Variants in UMPS observed in about 807,000 individuals in gnomAD.
UMPS encodes the protein uridine 5'-monophosphate synthase.
Under a neutral mutation model 38.9 loss-of-function variants are expected in UMPS, and 21 were observed. That is an observed-to-expected ratio of 0.54 (90% CI 0.38 to 0.78). UMPS has a LOEUF of 0.78. Among genes scored for constraint, UMPS ranks in the 30% least tolerant of loss-of-function variants. The pLI, the probability that UMPS is intolerant of heterozygous loss-of-function variation, is 0.00. For missense variants in UMPS, 533 were observed against 591.6 expected, an observed-to-expected ratio of 0.90 and a Z score of 1.03; for synonymous variants, 208 against 219.3, an observed-to-expected ratio of 0.95 and a Z score of 0.45.
At chr3:124,740,001 T>C (rs373355277) in intron 3 of UMPS, 23 bp from the exon 4 acceptor site, 54 of 1,613,730 alleles carry the variant, frequency 3.3e-5, no homozygotes, top group Non-Finnish European at 4.4e-5. Context: ...TCAGCAAATA[T>C]CTTTTTTCCC....
At position 124,740,198 on chromosome 3, in the gene UMPS, C is replaced by T. The variant is rs202158549; in HGVS notation, c.1157C>T (p.Ala386Val). 84 of 1,607,258 alleles carry T rather than the reference C, an allele frequency of 5.2e-5. No individual in the cohort carries two copies. Among genetic ancestry groups the T allele is most frequent in the African/African-American group, 2.4e-4 (18 of 74,438 alleles). The change falls in exon 4 of 6, where the codon GCG becomes GTG. Residue 386 changes from alanine to valine, a missense_variant and splice_region_variant. Transcript: ENST00000232607. Reference sequence around the variant, plus strand: ...GCCACTGGGGACTACACTAGAGCAGCGGTAAGTGGTGGGGGGACTGGGTGA... The same window carrying T: ...GCCACTGGGGACTACACTAGAGCAGTGGTAAGTGGTGGGGGGACTGGGTGA... ...SLATGDYTRA[A>V]VRMAEEHSEF... is the part of the protein sequence containing the mutation.
intron 3 of UMPS, among the ~76,000 whole-genome samples, chr3:124,739,573 A>G (rs983022787): frequency 2.6e-5 from 4 of 152,178 alleles, no homozygotes; most frequent in East Asian, 3.8e-4. Context: ...AACTCAAGCA[A>G]TCTGCCCACC....
rs2063467561 is a variant in UMPS, at chr3:124,730,500, C to T, written c.29C>T (p.Pro10Leu). MAVARAALG[P>L]LVTGLYDVQA... ...GCGGTCGCTCGTGCAGCTTTGGGGC[C>T]ATTGGTGACGGGTCTGTACGACGTG... is the stretch of plus-strand genomic sequence containing the variant. Residue 10 changes from proline (P) to leucine (L), a missense_variant, in exon 1 of 6, where the codon CCA becomes CTA. Pro to Leu is a moderately conservative substitution (Grantham distance 98, BLOSUM62 -3). Transcript: ENST00000232607. 1.9e-6 allele frequency: 3 copies of T among 1,614,052 alleles called. No individual in the cohort carries two copies. The highest frequency in any genetic ancestry group is 1.1e-5 in the South Asian group (1 of 91,078).
intron 1 of UMPS, 67 bp downstream of exon 1, chr3:124,730,694 G>A: frequency 6.4e-7 from 1 of 1,571,890 alleles, no homozygotes. Flanking sequence ...ATGGAAGAGG[G>A]TGACAGGAGT....
chr3:124,747,620 C>T lies in UMPS; in HGVS notation c.*3536C>T, dbSNP rs1411359596. On this transcript the variant is annotated 3_prime_UTR_variant, in exon 6 of 6. Coordinates refer to ENST00000232607, the MANE Select transcript of UMPS (RefSeq NM_000373.4). ...CCCAGCTGATCTGTAAGCCTGGGAG[C>T]GTGATAAATGCTTAGTAGTGCATGC... 1 of 450,504 alleles carries T rather than the reference C, an allele frequency of 2.2e-6. No homozygotes were observed. Among genetic ancestry groups the T allele is most frequent in the South Asian group, 1.6e-5 (1 of 64,436 alleles). The allele number at this position is 450,504 out of a possible 1,614,324, so 27.9% of individuals were successfully genotyped here.
intron 2 of UMPS, 107 bp from the exon 3 acceptor site, chr3:124,737,461 T>C (rs1478879035): frequency 9.9e-7 from 1 of 1,005,540 alleles, no homozygotes; most frequent in Non-Finnish European, 1.6e-6. Context: ...TATACACATA[T>C]ACTGTATGTG....
At chr3:124,739,764 G>T (rs1403022793) in intron 3 of UMPS, among the ~76,000 whole-genome samples, 1 of 152,216 alleles carries the variant, frequency 6.6e-6, no homozygotes, top group Non-Finnish European at 1.5e-5. Context: ...TCCTGTTAGT[G>T]TTCCAGATAA....
rs1183506666 is a variant in UMPS, at chr3:124,748,879, G to A, written c.*4795G>A. The A allele has an allele frequency of 1.1e-5, 5 of 436,088 alleles. No individual in the cohort carries two copies. Among genetic ancestry groups the A allele is most frequent in the Non-Finnish European group, 2.3e-5 (5 of 217,284 alleles). 27.0% of individuals were successfully genotyped at this position (436,088 alleles called of 1,614,324 possible). A position where few individuals can be genotyped will look rare whatever the true frequency, so the allele number is the denominator to read the frequency against. On this transcript the variant is annotated 3_prime_UTR_variant, in exon 6 of 6. Coordinates refer to ENST00000232607, the MANE Select transcript of UMPS (RefSeq NM_000373.4). Reference sequence around the variant, plus strand: ...TTTTCTGAAAAGGGCATGGGAGTTAGCTGAGAAGCAGACCTGGTGGGCCTG... The same window carrying A: ...TTTTCTGAAAAGGGCATGGGAGTTAACTGAGAAGCAGACCTGGTGGGCCTG...
Position 124,747,266 on chromosome 3 carries a change from C to T in UMPS, c.*3182C>T. On this transcript the variant is annotated 3_prime_UTR_variant, in exon 6 of 6. Transcript: ENST00000232607. ...AGTGTGTGCCCGACAGCAGAGCCCA[C>T]ACCACTCCAGTTGCAGTGGTTGCCA... 2.2e-6 allele frequency: 1 copy of T among 454,026 alleles called. No individual in the cohort carries two copies. The highest frequency in any genetic ancestry group is 4.4e-6 in the Non-Finnish European group (1 of 225,956). 28.1% of individuals were successfully genotyped at this position (454,026 alleles called of 1,614,324 possible). A position where few individuals can be genotyped will look rare whatever the true frequency, so the allele number is the denominator to read the frequency against.
chr3:124,738,774 A>G (rs1482844813), intron 3 of UMPS: 1 of 155,532 alleles, frequency 6.4e-6, no homozygotes, highest in Non-Finnish European at 1.4e-5. Flanking sequence ...CTATTGATAA[A>G]CATTATTTAA....
chr3:124,740,068 C>G lies in UMPS; in HGVS notation c.1027C>G (p.His343Asp). 1.2e-6 allele frequency: 2 copies of G among 1,614,114 alleles called. No individual in the cohort carries two copies. Among genetic ancestry groups the G allele is most frequent in the Non-Finnish European group, 1.7e-6 (2 of 1,180,032 alleles). Residue 343 changes from histidine to aspartate, a missense_variant, in exon 4 of 6, where the codon CAC becomes GAC. Coordinates refer to ENST00000232607, the MANE Select transcript of UMPS (RefSeq NM_000373.4). ...TTCCTGGGCAGATCTAGTAAATGCT[C>G]ACGTGGTGCCAGGCTCAGGAGTTGT... ...IASWADLVNA[H>D]VVPGSGVVKG... is the part of the protein sequence containing the mutation.
At chr3:124,741,400 T>C (rs1434935803) in intron 4 of UMPS, among the ~76,000 whole-genome samples, 1 of 152,200 alleles carries the variant, frequency 6.6e-6, no homozygotes, top group African/African-American at 2.4e-5. Flanking sequence ...GGAAAGTACC[T>C]ACCGAATCAG....
rs1487935087 is a variant in UMPS, at chr3:124,746,169, G to A, written c.*2085G>A. ...GGCTCCTGCCATCTCCAGGACGCAGGCACTGTTCCTGTTGATGAACCCTAT... is the reference window on the plus strand; with the variant it reads ...GGCTCCTGCCATCTCCAGGACGCAGACACTGTTCCTGTTGATGAACCCTAT... On this transcript the variant is annotated 3_prime_UTR_variant, in exon 6 of 6. Transcript: ENST00000232607. The A allele has an allele frequency of 1.1e-5, 5 of 453,964 alleles. No homozygotes were observed. The highest frequency in any genetic ancestry group is 4.0e-5 in the African/African-American group (2 of 49,996). The allele number at this position is 453,964 out of a possible 1,614,324, so 28.1% of individuals were successfully genotyped here.
chr3:124,749,200 T>C lies in UMPS; in HGVS notation c.*5116T>C, dbSNP rs1559911789. The C allele has an allele frequency of 4.4e-6, 2 of 454,018 alleles. No individual in the cohort carries two copies. Among genetic ancestry groups the C allele is most frequent in the Non-Finnish European group, 8.8e-6 (2 of 226,758 alleles). The allele number at this position is 454,018 out of a possible 1,614,324, so 28.1% of individuals were successfully genotyped here. The stretch of plus-strand genomic sequence containing the variant: ...GAATAGATACTTGAAGCAGAGATGA[T>C]GTTGAGTTAAAAAAAATATATACAT... On this transcript the variant is annotated 3_prime_UTR_variant, in exon 6 of 6. Coordinates refer to ENST00000232607, the MANE Select transcript of UMPS (RefSeq NM_000373.4).
At chr3:124,736,503 C>G (rs1299131132) in intron 2 of UMPS, among the ~76,000 whole-genome samples, 3 of 151,978 alleles carry the variant, frequency 2.0e-5, no homozygotes, top group Non-Finnish European at 4.4e-5. Flanking sequence ...AGGTCTCACT[C>G]TGTTGCCCAG....
rs1279222708 is a variant in UMPS, at chr3:124,748,428, T to TA, written c.*4345dup. ...TTCCAAAGGAAGGCCGCAATAGAAA[T>TA]ACAAAGAGAAACAAAATAATTAGAA... On this transcript the variant is annotated 3_prime_UTR_variant, in exon 6 of 6. Transcript: ENST00000232607. 4 of 453,796 alleles carry TA rather than the reference T, an allele frequency of 8.8e-6. No homozygotes were observed. The highest frequency in any genetic ancestry group is 8.0e-5 in the African/African-American group (4 of 49,970). The allele number at this position is 453,796 out of a possible 1,614,324, so 28.1% of individuals were successfully genotyped here. A position where few individuals can be genotyped will look rare whatever the true frequency, so the allele number is the denominator to read the frequency against.
At chr3:124,739,713 T>TAA in intron 3 of UMPS, among the ~76,000 whole-genome samples, 1 of 152,214 alleles carries the variant, frequency 6.6e-6, no homozygotes. Context: ...TAGCATGAGC[T>TAA]TTATTTGTGG....
At position 124,738,086 on chromosome 3, in the gene UMPS, A is replaced by G; in HGVS notation, c.829A>G (p.Ile277Val). Residue 277 changes from isoleucine to valine, a missense_variant, in exon 3 of 6, where the codon ATC (isoleucine) becomes GTC (valine). Ile to Val is a conservative substitution (Grantham distance 29, BLOSUM62 3). Transcript: ENST00000232607. ...GCTAGCAGATGCTTTAGGACCTAGT[A>G]TCTGCATGCTGAAGACTCATGTAGA... ...LQLADALGPS[I>V]CMLKTHVDIL... The G allele has an allele frequency of 6.2e-7, 1 of 1,614,256 alleles. No individual in the cohort carries two copies. Among genetic ancestry groups the G allele is most frequent in the Non-Finnish European group, 8.5e-7 (1 of 1,180,038 alleles).
At chr3:124,742,477 TATTG>T in intron 5 of UMPS, 1 of 589,244 alleles carries the variant, frequency 1.7e-6, no homozygotes, top group South Asian at 2.0e-5. Context: ...ATGATAACAG[TATTG>T]ACCTCATAAG....
Sources: gnomAD v4.1 joint callset for allele counts (sites outside exome capture counted in the v4.1 genomes callset) on GRCh38, gnomAD v4.1.1 for gene constraint, MANE v1.5 for transcripts, NCBI Gene and HGNC (gene_info 2026-07-23, HGNC 2026-07-21) for gene names.